WDR72: variants seen among roughly 807,000 people sequenced by gnomAD.
WDR72 encodes WD repeat domain 72, also known as WD repeat-containing protein 72.
A neutral mutation model predicts 124.2 loss-of-function variants in WDR72; 120 were observed. That is an observed-to-expected ratio of 0.97 (90% CI 0.83 to 1.12). The LOEUF is 1.12. Among genes scored for constraint, WDR72 ranks in the 50% most tolerant of loss-of-function variants. WDR72 has a pLI of 0.00. For missense variants in WDR72, 1,387 were observed against 1,278.8 expected (o/e 1.08, Z -1.29); for synonymous variants, 452 against 441.7 (o/e 1.02, Z -0.29).
At chr15:53,601,746 G>A (rs1566978239) in intron 17 of WDR72, among the ~76,000 whole-genome samples, 1 of 152,012 alleles carries the variant, frequency 6.6e-6, no homozygotes, top group Non-Finnish European at 1.5e-5. Flanking sequence ...GACAAAGAAA[G>A]ACATTATTAC....
chr15:53,560,590 A>G (rs1894092083), intron 18 of WDR72, among the ~76,000 whole-genome samples: 2 of 151,874 alleles, frequency 1.3e-5, no homozygotes, highest in Non-Finnish European at 2.9e-5. Flanking sequence ...AAGAATTAAG[A>G]TGCAGTACTT....
intron 11 of WDR72, among the ~76,000 whole-genome samples, chr15:53,703,760 A>C (rs990145128): frequency 6.6e-6 from 1 of 152,082 alleles, no homozygotes; most frequent in Non-Finnish European, 1.5e-5. Flanking sequence ...AAGAACCATA[A>C]ACCACAAACT....
chr15:53,699,994 TTATGAG>T (rs1195325242), intron 12 of WDR72, 49 bp from the exon 13 acceptor site: 1 of 1,609,816 alleles, frequency 6.2e-7, no homozygotes, highest in African/African-American at 1.3e-5. Flanking sequence ...AATGCTTTCT[TTATGAG>T]TAAGTCAGAT....
Position 53,616,247 on chromosome 15 carries a change from A to C in WDR72, c.1963-4T>G, listed in dbSNP as rs1173808170. The stretch of plus-strand genomic sequence containing the variant: ...GGCAAAATTTGGCATCAGTAACCTA[A>C]GGGAACAAAAAATATTTGTGTCAAA... On this transcript the variant is annotated splice_region_variant and splice_polypyrimidine_tract_variant and intron_variant, in intron 14 of 19. Coordinates refer to ENST00000360509, the MANE Select transcript of WDR72 (RefSeq NM_182758.4). The C allele has an allele frequency of 6.3e-7, 1 of 1,596,012 alleles. No individual in the cohort carries two copies. The highest frequency in any genetic ancestry group is 1.7e-5 in the Admixed American group (1 of 59,784).
In WDR72 at chr15:53,615,316, C is replaced by T. The variant is rs544311743; in HGVS notation, c.2780+110G>A. ...TAAACCAGAAATTGTTGCATACTTACCCCCCACTGGAAAGAAGGAAGGAAT... is the reference window on the plus strand; with the variant it reads ...TAAACCAGAAATTGTTGCATACTTATCCCCCACTGGAAAGAAGGAAGGAAT... On this transcript the variant is annotated intron_variant, in intron 15 of 19. Transcript: ENST00000360509. The T allele has an allele frequency of 2.3e-5, 19 of 825,282 alleles. No homozygotes were observed. The African/African-American group carries it at 2.8e-4, about 12-fold the overall frequency. The allele number at this position is 825,282 out of a possible 1,614,324, so 51.1% of individuals were successfully genotyped here. A position where few individuals can be genotyped will look rare whatever the true frequency, so the allele number is the denominator to read the frequency against.
chr15:53,524,716 T>G (rs145446525), intron 18 of WDR72, among the ~76,000 whole-genome samples: 2 of 152,258 alleles, frequency 1.3e-5, no homozygotes, highest in Non-Finnish European at 2.9e-5. Flanking sequence ...AGTGCCAGCA[T>G]AGTTAGAATT....
chr15:53,515,926 T>C lies in WDR72; in HGVS notation c.*1773A>G, dbSNP rs1891436769. 1 of 152,242 alleles carries C rather than the reference T, an allele frequency of 6.6e-6. No individual in the cohort carries two copies. The highest frequency in any genetic ancestry group is 2.4e-5 in the African/African-American group (1 of 41,566). The allele number at this position is 152,242 out of a possible 1,614,324, so 9.4% of individuals were successfully genotyped here. A position where few individuals can be genotyped will look rare whatever the true frequency, so the allele number is the denominator to read the frequency against. Reference sequence around the variant, plus strand: ...GATTTTAACAATTAAAAATGCCTCATTTGAGAGGACATACACTTATTTGAT... The same window carrying C: ...GATTTTAACAATTAAAAATGCCTCACTTGAGAGGACATACACTTATTTGAT... On this transcript the variant is annotated 3_prime_UTR_variant, in exon 20 of 20. Coordinates refer to ENST00000360509, the MANE Select transcript of WDR72 (RefSeq NM_182758.4).
chr15:53,705,652 G>A (rs985675222), intron 10 of WDR72, among the ~76,000 whole-genome samples: 4 of 151,922 alleles, frequency 2.6e-5, no homozygotes, highest in South Asian at 2.1e-4. Context: ...TAGTAGAGAC[G>A]GGGTTTCACC....
At chr15:53,541,335 C>G (rs1027541614) in intron 18 of WDR72, among the ~76,000 whole-genome samples, 16 of 152,212 alleles carry the variant, frequency 1.1e-4, no homozygotes, top group Non-Finnish European at 1.3e-4. Flanking sequence ...GTCCCTGACC[C>G]CTGACCCCCG....
chr15:53,706,114 C>G (rs1159129082), intron 9 of WDR72, 40 bp from the exon 10 acceptor site: 1 of 1,608,506 alleles, frequency 6.2e-7, no homozygotes, highest in African/African-American at 1.3e-5. Flanking sequence ...AATATTCTAA[C>G]TAGAGAGAGA....
rs567355199 is a variant in WDR72, at chr15:53,556,083, T to G, written c.3149-32761A>C. On this transcript the variant is annotated intron_variant, in intron 18 of 19. Coordinates refer to ENST00000360509, the MANE Select transcript of WDR72 (RefSeq NM_182758.4). ...TTGGATGACAATGTATTCCATCATT[T>G]ATCTATGGAGAAAACAAATAATAAT... Among the ~76,000 whole-genome samples the G allele has an allele frequency of 3.0e-4, 45 of 152,284 alleles. 2 individuals are homozygous for G. In the East Asian group the frequency reaches 8.7e-3, roughly 29 times the overall value.
chr15:53,618,003 A>C (rs963796283), intron 14 of WDR72, among the ~76,000 whole-genome samples: 1 of 151,918 alleles, frequency 6.6e-6, no homozygotes, highest in African/African-American at 2.4e-5. Flanking sequence ...CAATTCATTG[A>C]GCTGTACATT....
intron 1 of WDR72, among the ~76,000 whole-genome samples, chr15:53,748,030 T>C (rs1038137196): frequency 2.0e-5 from 3 of 151,654 alleles, no homozygotes; most frequent in African/African-American, 4.8e-5. Flanking sequence ...AAAAATACCA[T>C]TGTCCTAGAC....
At chr15:53,682,184 T>A (rs2016413263) in intron 13 of WDR72, among the ~76,000 whole-genome samples, 1 of 152,188 alleles carries the variant, frequency 6.6e-6, no homozygotes, top group African/African-American at 2.4e-5. Context: ...TACTACTTCA[T>A]CCTTGGAATG....
At chr15:53,552,778 G>T (rs762712761) in intron 18 of WDR72, among the ~76,000 whole-genome samples, 4 of 152,094 alleles carry the variant, frequency 2.6e-5, no homozygotes, top group Non-Finnish European at 4.4e-5. Context: ...TGTCTGTTAC[G>T]TATTTCTCAT....
chr15:53,584,103 A>G (rs1309072871), intron 18 of WDR72, among the ~76,000 whole-genome samples: 1 of 152,052 alleles, frequency 6.6e-6, no homozygotes, highest in African/African-American at 2.4e-5. Context: ...ACAAAAAAGG[A>G]AAGGGAAAAA....
At chr15:53,597,850 C>T (rs766320993) in intron 17 of WDR72, among the ~76,000 whole-genome samples, 1 of 152,004 alleles carries the variant, frequency 6.6e-6, no homozygotes, top group South Asian at 2.1e-4. Flanking sequence ...ACCTATGGTT[C>T]GAAGGGCGGG....
At chr15:53,726,958 A>C (rs151051484) in intron 2 of WDR72, among the ~76,000 whole-genome samples, 13 of 152,340 alleles carry the variant, frequency 8.5e-5, no homozygotes, top group African/African-American at 3.1e-4. Context: ...ATGAAAATTA[A>C]ATTACAAAAC....
intron 13 of WDR72, among the ~76,000 whole-genome samples, chr15:53,667,833 C>T (rs536837991): frequency 2.6e-5 from 4 of 152,208 alleles, no homozygotes; most frequent in East Asian, 1.9e-4. Context: ...TATATATGCA[C>T]GTTTTATTGT....
Sources: gnomAD v4.1 joint callset for allele counts (sites outside exome capture counted in the v4.1 genomes callset) on GRCh38, gnomAD v4.1.1 for gene constraint, MANE v1.5 for transcripts, NCBI Gene and HGNC (gene_info 2026-07-23, HGNC 2026-07-21) for gene names.